Variants in POLK observed in about 807,000 individuals in gnomAD.
The protein encoded by POLK is DNA polymerase kappa, also known as polymerase (DNA directed) kappa.
Under a neutral mutation model 94.0 loss-of-function variants are expected in POLK, and 76 were observed. The observed-to-expected ratio is 0.81, with a 90% CI of 0.67 to 0.98. The LOEUF is 0.98. POLK is among the 50% of genes least tolerant of loss of function. The probability of loss-of-function intolerance (pLI) is 0.00; values close to 1 mark genes in which losing one functional copy is unlikely to be tolerated. For missense variants in POLK, 954 were observed against 1,010.1 expected (o/e 0.94, Z 0.75); for synonymous variants, 349 against 325.4 (o/e 1.07, Z -0.78).
At position 75,549,297 on chromosome 5, in the gene POLK, T is replaced by G. The variant is rs574400989; in HGVS notation, c.135+2140T>G. Among the ~76,000 whole-genome samples the G allele has an allele frequency of 5.4e-4, 82 of 152,108 alleles. 1 individual carries two copies. Among genetic ancestry groups the G allele is most frequent in the Non-Finnish European group, 6.5e-4 (44 of 67,978 alleles). Reference sequence around the variant, plus strand: ...TCTATTCTCTGTGACCCAGTACAATTTATTAAATAGTCCATTCTTTTCCTA... The same window carrying G: ...TCTATTCTCTGTGACCCAGTACAATGTATTAAATAGTCCATTCTTTTCCTA... On this transcript the variant is annotated intron_variant, in intron 2 of 14. Transcript: ENST00000241436.
intron 1 of POLK, 161 bp downstream of exon 1, chr5:75,512,075 AG>A: frequency 2.9e-6 from 1 of 339,058 alleles, no homozygotes; most frequent in Non-Finnish European, 5.4e-6. Flanking sequence ...GACGTGAGAG[AG>A]CTTTCCGCTG....
chr5:75,510,824 C>T (rs915978702), upstream of POLK, among the ~76,000 whole-genome samples: 1 of 152,140 alleles, frequency 6.6e-6, no homozygotes, highest in African/African-American at 2.4e-5. Flanking sequence ...TCCTTACACC[C>T]GGGACAGCTG....
intron 12 of POLK, 52 bp from the exon 13 acceptor site, chr5:75,596,170 G>A: frequency 1.0e-6 from 1 of 996,294 alleles, no homozygotes; most frequent in South Asian, 1.5e-5. Context: ...TATGCATTGT[G>A]AGTGAATTGG....
At chr5:75,542,511 C>T (rs1769787396) in intron 1 of POLK, among the ~76,000 whole-genome samples, 1 of 151,624 alleles carries the variant, frequency 6.6e-6, no homozygotes, top group South Asian at 2.1e-4. Flanking sequence ...CCTTAGAATT[C>T]TTTCTTAAAA....
intron 3 of POLK, among the ~76,000 whole-genome samples, chr5:75,559,649 G>T (rs1365267787): frequency 1.4e-5 from 2 of 142,792 alleles, no homozygotes; most frequent in East Asian, 2.2e-4. Flanking sequence ...CAGTCCTCCC[G>T]CCTCAGCCTC....
chr5:75,586,856 C>T (rs4703674), intron 9 of POLK, among the ~76,000 whole-genome samples, 170 bp from the exon 10 acceptor site: 54,236 of 151,696 alleles, frequency 0.36, 11,993 homozygotes, highest in African/African-American at 0.63. Flanking sequence ...ATCTTACCTA[C>T]CTATGTTCTT....
chr5:75,542,630 TA>T (rs1049859741), intron 1 of POLK, among the ~76,000 whole-genome samples: 12 of 149,272 alleles, frequency 8.0e-5, no homozygotes, highest in African/African-American at 2.5e-4. Flanking sequence ...TATATACACA[TA>T]TATACACATA....
At chr5:75,605,068 C>A (rs1230131545), downstream of POLK, among the ~76,000 whole-genome samples, 1 of 151,528 alleles carries the variant, frequency 6.6e-6, no homozygotes, top group Non-Finnish European at 1.5e-5. Flanking sequence ...ACCCTTCTAA[C>A]CTCAGCCTGT....
At chr5:75,540,661 A>ATTT (rs1769692676) in intron 1 of POLK, among the ~76,000 whole-genome samples, 1 of 152,172 alleles carries the variant, frequency 6.6e-6, no homozygotes, top group African/African-American at 2.4e-5. Context: ...GTACCAAAAA[A>ATTT]GGTACTACAG....
intron 2 of POLK, among the ~76,000 whole-genome samples, chr5:75,547,381 TG>T (rs1770083948): frequency 6.6e-6 from 1 of 152,080 alleles, no homozygotes; most frequent in African/African-American, 2.4e-5. Context: ...ACCAAAATAA[TG>T]TATATGTTCC....
chr5:75,527,538 CACAA>C (rs1396661320), intron 1 of POLK, among the ~76,000 whole-genome samples: 1 of 147,148 alleles, frequency 6.8e-6, no homozygotes, highest in Non-Finnish European at 1.5e-5. Flanking sequence ...CACACACACA[CACAA>C]GTACGTGTGT....
At chr5:75,566,935 C>T (rs1464284649) in intron 3 of POLK, among the ~76,000 whole-genome samples, 1 of 152,090 alleles carries the variant, frequency 6.6e-6, no homozygotes, top group Non-Finnish European at 1.5e-5. Context: ...GAAGAAAGGA[C>T]AATATGAATG....
intron 6 of POLK, 103 bp from the exon 7 acceptor site, chr5:75,581,106 C>A: frequency 1.4e-6 from 1 of 736,504 alleles, no homozygotes; most frequent in Non-Finnish European, 2.2e-6. Flanking sequence ...CTAAACTAAA[C>A]TAGATTTTTG....
At chr5:75,573,865 A>C (rs753966979) in exon 5 of POLK, 20 of 1,613,218 alleles carry the variant, frequency 1.2e-5, no homozygotes, top group Non-Finnish European at 1.7e-5. Context: ...GCTGTGAGTA[A>C]AGAGGTAAGT....
intron 8 of POLK, 81 bp from the exon 9 acceptor site, chr5:75,584,679 A>C: frequency 4.7e-6 from 4 of 859,068 alleles, no homozygotes; most frequent in Non-Finnish European, 7.0e-6. Flanking sequence ...CTCAAAAAAA[A>C]AAAAAGTGTA....
intron 1 of POLK, among the ~76,000 whole-genome samples, chr5:75,542,214 T>A (rs1769774659): frequency 6.6e-6 from 1 of 152,100 alleles, no homozygotes; most frequent in South Asian, 2.1e-4. Context: ...ATTATTGCAT[T>A]TGGTTATTTA....
At chr5:75,523,620 A>G (rs887538994) in intron 1 of POLK, among the ~76,000 whole-genome samples, 4 of 152,206 alleles carry the variant, frequency 2.6e-5, no homozygotes, top group African/African-American at 9.7e-5. Flanking sequence ...TGATTAAGTT[A>G]AACAGGTACA....
At chr5:75,511,444 C>A (rs866911687), upstream of POLK, 2 of 1,527,428 alleles carry the variant, frequency 1.3e-6, no homozygotes, top group South Asian at 2.4e-5. Context: ...CAGCCGTCAG[C>A]CGCCGCCGCC....
intron 1 of POLK, among the ~76,000 whole-genome samples, chr5:75,515,938 A>G (rs1484678659): frequency 6.6e-6 from 1 of 152,226 alleles, no homozygotes; most frequent in East Asian, 1.9e-4. Flanking sequence ...CTGGGGTAAG[A>G]TGATAGCTCA....
Sources: gnomAD v4.1 joint callset for allele counts (sites outside exome capture counted in the v4.1 genomes callset) on GRCh38, gnomAD v4.1.1 for gene constraint, MANE v1.5 for transcripts, NCBI Gene and HGNC (gene_info 2026-07-23, HGNC 2026-07-21) for gene names.